The following HERPUD2 variants were observed in gnomAD, a reference collection of about 807,000 sequenced individuals.
HERPUD2 encodes homocysteine-responsive endoplasmic reticulum-resident ubiquitin-like domain member 2 protein.
HERPUD2 carries 13 observed loss-of-function variants against 49.9 expected under a neutral mutation model. That is an observed-to-expected ratio of 0.26 (90% CI 0.17 to 0.41). HERPUD2 has a LOEUF of 0.41. Ranked by LOEUF, HERPUD2 falls within the 10% of genes least tolerant of loss-of-function variation. HERPUD2 has a pLI of 1.00. For missense variants in HERPUD2, 449 were observed against 492.2 expected (o/e 0.91, Z 0.83); for synonymous variants, 172 against 171.4 (o/e 1.00, Z -0.03).
intron 5 of HERPUD2, among the ~76,000 whole-genome samples, chr7:35,656,312 T>C (rs1785273842): frequency 6.6e-6 from 1 of 151,798 alleles, no homozygotes; most frequent in Non-Finnish European, 1.5e-5. Flanking sequence ...AAAACACTAA[T>C]GAAAGAAATT....
chr7:35,640,512 T>C (rs1324317721), intron 5 of HERPUD2, among the ~76,000 whole-genome samples: 2 of 152,208 alleles, frequency 1.3e-5, no homozygotes, highest in African/African-American at 2.4e-5. Flanking sequence ...GTTGAAAATA[T>C]GTTGCCAAAA....
intron 6 of HERPUD2, among the ~76,000 whole-genome samples, chr7:35,636,378 G>A (rs1039929146): frequency 2.0e-5 from 3 of 152,044 alleles, no homozygotes; most frequent in African/African-American, 7.2e-5. Context: ...ACCTGTATAG[G>A]GCTTTTTAGT....
chr7:35,667,527 A>G lies in HERPUD2; in HGVS notation c.401T>C (p.Val134Ala). The change falls in exon 5 of 9, where the codon GTG becomes GCG. Residue 134 changes from valine to alanine, a missense_variant. Physicochemically the swap from Val to Ala is moderately conservative, Grantham distance 64 (BLOSUM62 0). Transcript: ENST00000311350. ...CCTCAATCCTTCTGAGGAAGAACCC[A>G]CAGCTAAAGACAAGGTTTCTTGACC... ...SSGQETLSLA[V>A]GSSSEGLRQR... is the part of the protein sequence containing the mutation. The G allele has an allele frequency of 6.2e-7, 1 of 1,613,820 alleles. No individual in the cohort carries two copies. Among genetic ancestry groups the G allele is most frequent in the South Asian group, 1.1e-5 (1 of 91,062 alleles).
At chr7:35,683,488 A>G (rs1385707439) in intron 2 of HERPUD2, among the ~76,000 whole-genome samples, 1 of 152,256 alleles carries the variant, frequency 6.6e-6, no homozygotes, top group African/African-American at 2.4e-5. Context: ...ATATTGGAAA[A>G]GCCCTTCTAG....
intron 5 of HERPUD2, among the ~76,000 whole-genome samples, chr7:35,658,235 C>T (rs75224678): frequency 1.4e-3 from 215 of 152,228 alleles, no homozygotes; most frequent in African/African-American, 4.8e-3. Flanking sequence ...CCAGAAAAAA[C>T]ACATATTTCA....
At chr7:35,662,653 T>C (rs1258982550) in intron 5 of HERPUD2, among the ~76,000 whole-genome samples, 11 of 152,366 alleles carry the variant, frequency 7.2e-5, no homozygotes, top group Admixed American at 1.3e-4. Flanking sequence ...TTTTCTAGTT[T>C]ATTTGCGTAG....
chr7:35,672,276 A>T (rs1165109105), intron 3 of HERPUD2, among the ~76,000 whole-genome samples: 2 of 151,956 alleles, frequency 1.3e-5, no homozygotes. Context: ...TTTAAAAAAA[A>T]AAAAGAGGAA....
intron 5 of HERPUD2, among the ~76,000 whole-genome samples, chr7:35,639,718 C>G (rs1238790810): frequency 6.6e-6 from 1 of 152,146 alleles, no homozygotes; most frequent in Non-Finnish European, 1.5e-5. Context: ...ATTCTAAAGA[C>G]TGTTTACACA....
intron 6 of HERPUD2, among the ~76,000 whole-genome samples, chr7:35,636,147 T>G (rs1428128424): frequency 3.3e-5 from 5 of 152,226 alleles, no homozygotes; most frequent in Non-Finnish European, 7.3e-5. Flanking sequence ...TTGCTTTAAA[T>G]TATCCAACAG....
At chr7:35,674,758 C>G (rs1418956975) in intron 2 of HERPUD2, among the ~76,000 whole-genome samples, 1 of 151,486 alleles carries the variant, frequency 6.6e-6, no homozygotes, top group Non-Finnish European at 1.5e-5. Context: ...CCTAACGAAG[C>G]TTCCATAAAA....
chr7:35,642,618 AAC>A (rs56024076), intron 5 of HERPUD2, among the ~76,000 whole-genome samples: 44 of 152,302 alleles, frequency 2.9e-4, no homozygotes, highest in Non-Finnish European at 5.7e-4. Context: ...TGGAACACTA[AAC>A]AGTCATAAAA....
At chr7:35,671,370 C>T (rs1450192696) in intron 3 of HERPUD2, among the ~76,000 whole-genome samples, 1 of 151,974 alleles carries the variant, frequency 6.6e-6, no homozygotes, top group East Asian at 1.9e-4. Context: ...GAAGGAGTTA[C>T]TAAGGGTTAG....
chr7:35,642,353 T>C (rs1343275396), intron 5 of HERPUD2, among the ~76,000 whole-genome samples: 1 of 152,190 alleles, frequency 6.6e-6, no homozygotes, highest in African/African-American at 2.4e-5. Flanking sequence ...ACTTCTACAC[T>C]GTTGGTGGGA....
intron 2 of HERPUD2, among the ~76,000 whole-genome samples, chr7:35,685,656 T>G (rs1201298699): frequency 1.3e-5 from 2 of 151,990 alleles, no homozygotes. Flanking sequence ...AAAAACTGCC[T>G]CTTCAGTTTA....
In HERPUD2 at chr7:35,683,470, AGAT is replaced by A. The variant is rs1370455924; in HGVS notation, c.148-10195_148-10193del. 2.0e-5 allele frequency among the ~76,000 whole-genome samples: 3 copies of A among 152,362 alleles called. No homozygotes were observed. The East Asian group carries it at 5.8e-4, about 29-fold the overall frequency. Reference sequence around the variant, plus strand: ...TAAGACCTGAAGCTATAAAAATTATAGATGATAATATTGGAAAAGCCCTTCTAG... The same window carrying A: ...TAAGACCTGAAGCTATAAAAATTATAGATAATATTGGAAAAGCCCTTCTAG... On this transcript the variant is annotated intron_variant, in intron 2 of 8. Coordinates refer to ENST00000311350, the MANE Select transcript of HERPUD2 (RefSeq NM_022373.5).
chr7:35,694,391 T>G lies in HERPUD2; in HGVS notation c.-61A>C, dbSNP rs758167464. On this transcript the variant is annotated 5_prime_UTR_variant, in exon 2 of 9. Transcript: ENST00000311350. ...GCAGTTAAGCCCAAAAGAGCCGAGA[T>G]GGTCACCGCCGGCGCGACTGGGATG... 6.9e-6 allele frequency: 11 copies of G among 1,588,948 alleles called. No homozygotes were observed. Among genetic ancestry groups the G allele is most frequent in the East Asian group, 2.2e-5 (1 of 44,750 alleles).
chr7:35,669,619 C>T (rs1785604876), intron 4 of HERPUD2, among the ~76,000 whole-genome samples: 1 of 152,066 alleles, frequency 6.6e-6, no homozygotes, highest in African/African-American at 2.4e-5. Context: ...AGAAGGTCAA[C>T]TATTACAAAA....
chr7:35,656,542 T>C (rs2115902100), intron 5 of HERPUD2, among the ~76,000 whole-genome samples: 1 of 152,270 alleles, frequency 6.6e-6, no homozygotes, highest in South Asian at 2.1e-4. Flanking sequence ...GCTGGAGGCA[T>C]CACACAATTT....
chr7:35,649,337 C>T (rs1487411034), intron 5 of HERPUD2, among the ~76,000 whole-genome samples: 1 of 150,604 alleles, frequency 6.6e-6, no homozygotes, highest in Non-Finnish European at 1.5e-5. Context: ...GTTTACAAAA[C>T]AAACAGTGTG....
Sources: gnomAD v4.1 joint callset for allele counts (sites outside exome capture counted in the v4.1 genomes callset) on GRCh38, gnomAD v4.1.1 for gene constraint, MANE v1.5 for transcripts, NCBI Gene and HGNC (gene_info 2026-07-23, HGNC 2026-07-21) for gene names.